Variants in MAML2 observed in about 807,000 individuals in gnomAD.
MAML2 encodes mastermind like transcriptional coactivator 2, also known as mastermind-like protein 2.
Under a neutral mutation model 96.1 loss-of-function variants are expected in MAML2, and 22 were observed. The observed-to-expected ratio is 0.23, with a 90% CI of 0.16 to 0.33. The LOEUF is 0.33. Among genes scored for constraint, MAML2 ranks in the 10% least tolerant of loss-of-function variants. The pLI is 1.00. For synonymous variants in MAML2, 561 were observed against 521.3 expected, an observed-to-expected ratio of 1.08 and a Z score of -1.04; for missense variants, 1,367 against 1,392.4, an observed-to-expected ratio of 0.98 and a Z score of 0.29.
chr11:95,998,170 GTCTGTCTA>G (rs1299209288), intron 2 of MAML2, among the ~76,000 whole-genome samples: 93 of 81,976 alleles, frequency 1.1e-3, no homozygotes, highest in African/African-American at 3.0e-3. Flanking sequence ...CTGTCTGTCT[GTCTGTCTA>G]TCTATCTATC....
intron 1 of MAML2, among the ~76,000 whole-genome samples, chr11:96,232,816 A>G (rs1399354784): frequency 6.6e-6 from 1 of 152,212 alleles, no homozygotes; most frequent in Non-Finnish European, 1.5e-5. Flanking sequence ...ACAGATATGG[A>G]GGCCAGAATG....
intron 3 of MAML2, among the ~76,000 whole-genome samples, chr11:95,991,005 T>C (rs972933737): frequency 2.0e-5 from 3 of 151,450 alleles, no homozygotes; most frequent in Non-Finnish European, 4.4e-5. Context: ...CACTTTTGCA[T>C]CAACCTAATA....
At position 96,166,642 on chromosome 11, in the gene MAML2, C is replaced by T. The variant is rs143106024; in HGVS notation, c.514-73125G>A. Among the ~76,000 whole-genome samples the T allele has an allele frequency of 4.6e-5, 7 of 152,328 alleles. No individual in the cohort carries two copies. In the East Asian group the frequency reaches 1.4e-3, roughly 29 times the overall value. Reference sequence around the variant, plus strand: ...GCATTCTGAGGTTCGCTGGCATTCACCCAGATGGGGAAGGGGATGTTATGT... The same window carrying T: ...GCATTCTGAGGTTCGCTGGCATTCATCCAGATGGGGAAGGGGATGTTATGT... On this transcript the variant is annotated intron_variant, in intron 1 of 4. Coordinates refer to ENST00000524717, the MANE Select transcript of MAML2 (RefSeq NM_032427.4).
chr11:96,173,626 C>A (rs1355829218), intron 1 of MAML2, among the ~76,000 whole-genome samples: 1 of 152,194 alleles, frequency 6.6e-6, no homozygotes, highest in African/African-American at 2.4e-5. Context: ...AGGAAGTACA[C>A]AAGCTCATTG....
At chr11:96,060,748 A>C (rs1436332369) in intron 2 of MAML2, among the ~76,000 whole-genome samples, 1 of 152,218 alleles carries the variant, frequency 6.6e-6, no homozygotes, top group Admixed American at 6.5e-5. Flanking sequence ...CTTTGGCAAT[A>C]AAATCACCTC....
intron 2 of MAML2, among the ~76,000 whole-genome samples, chr11:96,028,012 A>G (rs1383565965): frequency 1.3e-5 from 2 of 152,186 alleles, no homozygotes; most frequent in African/African-American, 4.8e-5. Flanking sequence ...AACCATGGGC[A>G]TGAACCACAG....
chr11:96,200,593 C>T (rs1249848837), intron 1 of MAML2, among the ~76,000 whole-genome samples: 1 of 152,184 alleles, frequency 6.6e-6, no homozygotes, highest in African/African-American at 2.4e-5. Flanking sequence ...CTCACAGCAA[C>T]CCTCCTGCAT....
intron 1 of MAML2, among the ~76,000 whole-genome samples, chr11:96,335,733 T>C (rs1431655854): frequency 1.3e-5 from 2 of 152,274 alleles, no homozygotes; most frequent in East Asian, 3.9e-4. Context: ...TGCTCTACCA[T>C]TTTCCAGGGC....
In MAML2 at chr11:96,090,799, G is replaced by A. The variant is rs139082186; in HGVS notation, c.2139+1093C>T. Among the ~76,000 whole-genome samples, 564 of 152,286 alleles carry A rather than the reference G, an allele frequency of 3.7e-3. 5 individuals carry two copies. The highest frequency in any genetic ancestry group is 0.013 in the African/African-American group (535 of 41,560). On this transcript the variant is annotated intron_variant, in intron 2 of 4. Coordinates refer to ENST00000524717, the MANE Select transcript of MAML2 (RefSeq NM_032427.4). ...AACAACTAGGGCAAAGGTTAGCTTGGACAGAGTTTGTGGTGTTTGTGGCAT... is the reference window on the plus strand; with the variant it reads ...AACAACTAGGGCAAAGGTTAGCTTGAACAGAGTTTGTGGTGTTTGTGGCAT...
intron 2 of MAML2, among the ~76,000 whole-genome samples, chr11:96,009,274 T>G (rs866216092): frequency 2.0e-5 from 3 of 152,202 alleles, no homozygotes; most frequent in Non-Finnish European, 4.4e-5. Flanking sequence ...TAAATCTAAA[T>G]ATTTTCTCAC....
intron 2 of MAML2, among the ~76,000 whole-genome samples, chr11:96,018,117 GA>G (rs1429073999): frequency 6.6e-6 from 1 of 152,204 alleles, no homozygotes; most frequent in Non-Finnish European, 1.5e-5. Context: ...TCTGACGGTA[GA>G]GCCACTAATA....
intron 1 of MAML2, among the ~76,000 whole-genome samples, chr11:96,166,171 TCTCTCTCA>T (rs1478220629): frequency 1.7e-5 from 2 of 117,692 alleles, no homozygotes; most frequent in African/African-American, 6.7e-5. Context: ...TCTCTCTCTC[TCTCTCTCA>T]CACACACACA....
At chr11:96,089,424 A>C (rs891232259) in intron 2 of MAML2, among the ~76,000 whole-genome samples, 2 of 152,206 alleles carry the variant, frequency 1.3e-5, no homozygotes, top group Admixed American at 6.5e-5. Context: ...GTCACATCAT[A>C]GTTACCCCTT....
chr11:96,221,848 T>C (rs926314692), intron 1 of MAML2, among the ~76,000 whole-genome samples: 1 of 152,174 alleles, frequency 6.6e-6, no homozygotes, highest in Non-Finnish European at 1.5e-5. Context: ...TCAGCACACA[T>C]AGGACCAGGT....
Position 96,091,906 on chromosome 11 carries a change from G to T in MAML2, c.2125C>A (p.Gln709Lys). 2 of 1,613,218 alleles carry T rather than the reference G, an allele frequency of 1.2e-6. No individual in the cohort carries two copies. Among genetic ancestry groups the T allele is most frequent in the African/African-American group, 1.3e-5 (1 of 75,048 alleles). Residue 709 changes from glutamine (Q) to lysine (K), a missense_variant, in exon 2 of 5, where the codon CAA becomes AAA. By Grantham distance (53) the Gln-to-Lys change is moderately conservative. Transcript: ENST00000524717. ...PIAGMGYQVS[Q>K]QQRQDQHSVV... The stretch of plus-strand genomic sequence containing the variant: ...AGAGCCCTTACCTGTCTCTGTTGTT[G>T]GGAGACTTGGTATCCCATTCCTGCA...
chr11:96,331,043 G>A (rs1327029202), intron 1 of MAML2, among the ~76,000 whole-genome samples: 1 of 152,160 alleles, frequency 6.6e-6, no homozygotes, highest in East Asian at 1.9e-4. Flanking sequence ...GCTGAGGTGG[G>A]TGGATCCTTT....
At chr11:96,234,259 G>A (rs1458528872) in intron 1 of MAML2, among the ~76,000 whole-genome samples, 1 of 152,048 alleles carries the variant, frequency 6.6e-6, no homozygotes, top group African/African-American at 2.4e-5. Context: ...AGGCGGGCGG[G>A]TCACCTAAGG....
At chr11:96,186,360 TG>T (rs1861575467) in intron 1 of MAML2, among the ~76,000 whole-genome samples, 1 of 152,116 alleles carries the variant, frequency 6.6e-6, no homozygotes, top group Non-Finnish European at 1.5e-5. Flanking sequence ...GAGGCCACGG[TG>T]GGCGGATCAC....
Position 96,052,281 on chromosome 11 carries a change from C to T in MAML2, c.2139+39611G>A, listed in dbSNP as rs1859000914. 2.0e-5 allele frequency among the ~76,000 whole-genome samples: 3 copies of T among 152,132 alleles called. No individual in the cohort carries two copies. The South Asian group carries it at 6.2e-4, about 32-fold the overall frequency. Reference sequence around the variant, plus strand: ...TATCCATATGATACATTTAGGAACACATACTAGGAAATTTGAAAATGCATT... The same window carrying T: ...TATCCATATGATACATTTAGGAACATATACTAGGAAATTTGAAAATGCATT... On this transcript the variant is annotated intron_variant, in intron 2 of 4. Coordinates refer to ENST00000524717, the MANE Select transcript of MAML2 (RefSeq NM_032427.4).
Sources: allele counts gnomAD v4.1 joint callset (sites outside exome capture counted in the v4.1 genomes callset), GRCh38; gene constraint gnomAD v4.1.1; transcripts MANE v1.5; gene names NCBI Gene and HGNC (gene_info 2026-07-23, HGNC 2026-07-21).